Variants in ZNF471 observed in about 807,000 individuals in gnomAD.
ZNF471 encodes EZFIT-related protein 1.
Under a neutral mutation model 13.7 loss-of-function variants are expected in ZNF471, and 7 were observed. That is an observed-to-expected ratio of 0.51 (90% CI 0.29 to 0.96). The LOEUF (loss-of-function observed/expected upper bound fraction) is 0.96. Ranked by LOEUF, ZNF471 falls within the 40% of genes least tolerant of loss-of-function variation. The pLI, the probability that ZNF471 is intolerant of heterozygous loss-of-function variation, is 0.08. For synonymous variants in ZNF471, 218 were observed against 235.6 expected (o/e 0.93, Z 0.68); for missense variants, 663 against 743.3 (o/e 0.89, Z 1.26).
At position 56,524,855 on chromosome 19, in the gene ZNF471, A is replaced by C; in HGVS notation, c.788A>C (p.Glu263Ala). Residue 263 changes from glutamate (E) to alanine (A), a missense_variant, in exon 5 of 5, where the codon GAA becomes GCA. Transcript: ENST00000308031. The surrounding 1 kb of genome is among the most constrained non-coding windows in gnomAD (Gnocchi z 4.8). Reference protein sequence around the residue: ...HRTHTGEKLFECKECRKAFKQ... With the variant: ...HRTHTGEKLFACKECRKAFKQ... ...ACACATACTGGAGAGAAACTCTTTG[A>C]ATGTAAAGAATGTAGGAAAGCCTTC... 1 of 1,610,434 alleles carries C rather than the reference A, an allele frequency of 6.2e-7. No individual in the cohort carries two copies. The highest frequency in any genetic ancestry group is 1.1e-5 in the South Asian group (1 of 90,374).
In ZNF471 at chr19:56,529,218, G is replaced by C. The variant is rs771470696; in HGVS notation, c.*3270G>C. On this transcript the variant is annotated 3_prime_UTR_variant, in exon 5 of 5. Coordinates refer to ENST00000308031, the MANE Select transcript of ZNF471 (RefSeq NM_020813.4). ...CAGAAGGGAGGTTTTGTAGAAGGTC[G>C]TATCCATGGGTTTTTTATATTTGAA... 6.6e-6 allele frequency: 1 copy of C among 152,192 alleles called. No individual in the cohort carries two copies. The highest frequency in any genetic ancestry group is 2.4e-5 in the African/African-American group (1 of 41,448). The allele number at this position is 152,192 out of a possible 1,614,324, so 9.4% of individuals were successfully genotyped here.
Position 56,525,718 on chromosome 19 carries a change from G to T in ZNF471, c.1651G>T (p.Ala551Ser). Reference sequence around the variant, plus strand: ...TTATGAGTGTAATGAATGCGGGAAAGCCTTCAGCCAAACTTCCAATCTTAC... The same window carrying T: ...TTATGAGTGTAATGAATGCGGGAAATCCTTCAGCCAAACTTCCAATCTTAC... ...KPYECNECGK[A>S]FSQTSNLTQH... Residue 551 changes from alanine to serine, a missense_variant, in exon 5 of 5, where the codon GCC becomes TCC. Ala to Ser is a moderately conservative substitution (Grantham distance 99). Transcript: ENST00000308031. 6.2e-7 allele frequency: 1 copy of T among 1,613,830 alleles called. No individual in the cohort carries two copies. The highest frequency in any genetic ancestry group is 8.5e-7 in the Non-Finnish European group (1 of 1,179,814).
In ZNF471 at chr19:56,527,704, T is replaced by C. The variant is rs890628705; in HGVS notation, c.*1756T>C. ...TACAGAAGAAAAACCTTCAGCCAGATTGAATGCTTTACAGGGAAGAATTCA... is the reference window on the plus strand; with the variant it reads ...TACAGAAGAAAAACCTTCAGCCAGACTGAATGCTTTACAGGGAAGAATTCA... On this transcript the variant is annotated 3_prime_UTR_variant, in exon 5 of 5. Transcript: ENST00000308031. 6.6e-6 allele frequency: 1 copy of C among 152,224 alleles called. No homozygotes were observed. 9.4% of individuals were successfully genotyped at this position (152,224 alleles called of 1,614,324 possible). A position where few individuals can be genotyped will look rare whatever the true frequency, so the allele number is the denominator to read the frequency against.
At chr19:56,509,807 G>A in intron 1 of ZNF471, 1 of 980,776 alleles carries the variant, frequency 1.0e-6, no homozygotes, top group Non-Finnish European at 1.2e-6. Context: ...GAGTGGAGTA[G>A]GAGAAACAGT....
At position 56,529,011 on chromosome 19, in the gene ZNF471, G is replaced by C. The variant is rs546834498; in HGVS notation, c.*3063G>C. The C allele has an allele frequency of 1.3e-5, 2 of 152,152 alleles. No individual in the cohort carries two copies. The highest frequency in any genetic ancestry group is 4.8e-5 in the African/African-American group (2 of 41,428). The allele number at this position is 152,152 out of a possible 1,614,324, so 9.4% of individuals were successfully genotyped here. On this transcript the variant is annotated 3_prime_UTR_variant, in exon 5 of 5. Coordinates refer to ENST00000308031, the MANE Select transcript of ZNF471 (RefSeq NM_020813.4). ...CCAAGGGGAAAGAAATGAAATTATA[G>C]GTGAGTTTACTTAGTTATATACAAA...
In ZNF471 at chr19:56,510,527, G is replaced by A. The variant is rs1311312283; in HGVS notation, c.-55-990G>A. 3 of 985,616 alleles carry A rather than the reference G, an allele frequency of 3.0e-6. No individual in the cohort carries two copies. The highest frequency in any genetic ancestry group is 1.1e-4 in the East Asian group (1 of 8,830). 61.1% of individuals were successfully genotyped at this position (985,616 alleles called of 1,614,324 possible). ...TAAGATTGGGGGTATGTGTGAAGGTGTTGGTGAATCACCACGTGTGCTTAT... is the reference window on the plus strand; with the variant it reads ...TAAGATTGGGGGTATGTGTGAAGGTATTGGTGAATCACCACGTGTGCTTAT... On this transcript the variant is annotated intron_variant, in intron 1 of 4. Coordinates refer to ENST00000308031, the MANE Select transcript of ZNF471 (RefSeq NM_020813.4). This position sits in a 1 kb window ranked among gnomAD's most constrained non-coding sequence, Gnocchi z 4.3.
At chr19:56,512,399 T>G (rs919430286) in intron 2 of ZNF471, among the ~76,000 whole-genome samples, 4 of 151,914 alleles carry the variant, frequency 2.6e-5, no homozygotes, top group Non-Finnish European at 5.9e-5. Context: ...TTGATTTTTG[T>G]GGTTTTCTAT....
In ZNF471 at chr19:56,518,478, G is replaced by T; in HGVS notation, c.161-4G>T. On this transcript the variant is annotated splice_polypyrimidine_tract_variant and splice_region_variant and intron_variant, in intron 3 of 4. Coordinates refer to ENST00000308031, the MANE Select transcript of ZNF471 (RefSeq NM_020813.4). ...CAATTTTCATGTCTTTTTTTTATATGTAGGTCTTTGCATTTCTAAGCCATA... is the reference window on the plus strand; with the variant it reads ...CAATTTTCATGTCTTTTTTTTATATTTAGGTCTTTGCATTTCTAAGCCATA... 6.2e-7 allele frequency: 1 copy of T among 1,609,968 alleles called. No homozygotes were observed. Among genetic ancestry groups the T allele is most frequent in the Admixed American group, 1.7e-5 (1 of 59,354 alleles).
At chr19:56,518,017 G>A (rs978526915) in intron 3 of ZNF471, among the ~76,000 whole-genome samples, 5 of 151,950 alleles carry the variant, frequency 3.3e-5, no homozygotes, top group East Asian at 1.9e-4. Flanking sequence ...CAGTGTGAGC[G>A]TCTATTGCTT....
At chr19:56,521,142 C>T (rs1470157335) in intron 4 of ZNF471, among the ~76,000 whole-genome samples, 2 of 152,128 alleles carry the variant, frequency 1.3e-5, no homozygotes, top group South Asian at 2.1e-4. Flanking sequence ...ATTATCTCCA[C>T]CTGGCCCCAC....
At position 56,529,681 on chromosome 19, in the gene ZNF471, A is replaced by C. The variant is rs2044086520; in HGVS notation, c.*3733A>C. ...ATTGGATGAAGAAATTAAAATGGTT[A>C]AATAGAAGAAGTTCTCAACCTCACT... On this transcript the variant is annotated 3_prime_UTR_variant, in exon 5 of 5. Coordinates refer to ENST00000308031, the MANE Select transcript of ZNF471 (RefSeq NM_020813.4). 6.6e-6 allele frequency: 1 copy of C among 152,232 alleles called. No homozygotes were observed. The highest frequency in any genetic ancestry group is 6.5e-5 in the Admixed American group (1 of 15,282). 9.4% of individuals were successfully genotyped at this position (152,232 alleles called of 1,614,324 possible).
In ZNF471 at chr19:56,508,987, G is replaced by A. The variant is rs2043773228; in HGVS notation, c.-56+1067G>A. Among the ~76,000 whole-genome samples, 1 of 152,072 alleles carries A rather than the reference G, an allele frequency of 6.6e-6. No individual in the cohort carries two copies. The highest frequency in any genetic ancestry group is 1.5e-5 in the Non-Finnish European group (1 of 68,020). ...GTTATGAGTTTGTGAGAGAGAGGGA[G>A]GCGATCAAAGTATAGGACAAAGTTA... On this transcript the variant is annotated intron_variant, in intron 1 of 4. Transcript: ENST00000308031. This position sits in a 1 kb window ranked among gnomAD's most constrained non-coding sequence, Gnocchi z 4.7.
intron 4 of ZNF471, among the ~76,000 whole-genome samples, chr19:56,520,245 G>C (rs1278646048): frequency 6.6e-6 from 1 of 152,118 alleles, no homozygotes; most frequent in Non-Finnish European, 1.5e-5. Flanking sequence ...AAGTCTGGTG[G>C]GATGCTGAGT....
At chr19:56,512,604 T>G (rs1043070067) in intron 2 of ZNF471, among the ~76,000 whole-genome samples, 3 of 147,822 alleles carry the variant, frequency 2.0e-5, no homozygotes, top group Non-Finnish European at 4.5e-5. Context: ...AAATGCCACC[T>G]ATATCATGCA....
intron 1 of ZNF471, 137 bp from the exon 2 acceptor site, chr19:56,511,380 C>T: frequency 1.7e-6 from 1 of 595,104 alleles, no homozygotes; most frequent in Non-Finnish European, 2.8e-6. Flanking sequence ...GAGTTTTAGC[C>T]CTTCAGTGGC....
chr19:56,508,110 T>G lies in ZNF471; in HGVS notation c.-56+190T>G, dbSNP rs2043756846. 3.0e-6 allele frequency: 3 copies of G among 985,300 alleles called. No individual in the cohort carries two copies. Among genetic ancestry groups the G allele is most frequent in the Non-Finnish European group, 3.6e-6 (3 of 829,898 alleles). The allele number at this position is 985,300 out of a possible 1,614,324, so 61.0% of individuals were successfully genotyped here. A position where few individuals can be genotyped will look rare whatever the true frequency, so the allele number is the denominator to read the frequency against. ...GGCGGAGGCCGCGGCTCGGGGCTGC[T>G]GGGCGTTCGGGGCGGCTTGGGGCGG... On this transcript the variant is annotated intron_variant, in intron 1 of 4. Coordinates refer to ENST00000308031, the MANE Select transcript of ZNF471 (RefSeq NM_020813.4). This position sits in a 1 kb window ranked among gnomAD's most constrained non-coding sequence, Gnocchi z 4.7.
rs1291929256 is a variant in ZNF471 at position 56,510,012 on chromosome 19, T to A, written c.-55-1505T>A. On this transcript the variant is annotated intron_variant, in intron 1 of 4. Transcript: ENST00000308031. This position sits in a 1 kb window ranked among gnomAD's most constrained non-coding sequence, Gnocchi z 4.3. ...AAAAGCAAGAGACTAGACTGAGAGTTCAGTGATTGGGAGAGACTGGGGTAT... is the reference window on the plus strand; with the variant it reads ...AAAAGCAAGAGACTAGACTGAGAGTACAGTGATTGGGAGAGACTGGGGTAT... The A allele has an allele frequency of 2.0e-6, 2 of 985,394 alleles. No individual in the cohort carries two copies. The highest frequency in any genetic ancestry group is 6.2e-5 in the Admixed American group (1 of 16,244). 61.0% of individuals were successfully genotyped at this position (985,394 alleles called of 1,614,324 possible).
At chr19:56,521,670 G>T (rs978953058) in intron 4 of ZNF471, among the ~76,000 whole-genome samples, 1 of 144,760 alleles carries the variant, frequency 6.9e-6, no homozygotes, top group Non-Finnish European at 1.5e-5. Context: ...CTCTTCTATT[G>T]CTGGGCATGG....
intron 2 of ZNF471, among the ~76,000 whole-genome samples, chr19:56,511,849 C>T (rs2043816677): frequency 6.6e-6 from 1 of 152,094 alleles, no homozygotes. Context: ...TTAGTGTTGA[C>T]TCTTGTGAAA....
Sources: gnomAD v4.1 joint callset for allele counts (sites outside exome capture counted in the v4.1 genomes callset) on GRCh38, gnomAD v4.1.1 for gene constraint, Gnocchi (gnomAD v3.1) non-coding constraint, MANE v1.5 for transcripts, NCBI Gene and HGNC (gene_info 2026-07-23, HGNC 2026-07-21) for gene names.